GNE: variants seen among roughly 807,000 people sequenced by gnomAD.
The protein encoded by GNE is bifunctional UDP-N-acetylglucosamine 2-epimerase/N-acetylmannosamine kinase.
GNE carries 41 observed loss-of-function variants against 61.8 expected under a neutral mutation model. That is an observed-to-expected ratio of 0.66 (90% confidence interval 0.52 to 0.86). The LOEUF (loss-of-function observed/expected upper bound fraction) is 0.86, where lower values mean the gene tolerates loss of function less well. GNE is among the 40% of genes least tolerant of loss of function. The pLI is 0.00. For synonymous variants in GNE, 264 were observed against 326.4 expected, an observed-to-expected ratio of 0.81 and a Z score of 2.06; for missense variants, 608 against 909.1, an observed-to-expected ratio of 0.67 and a Z score of 4.26.
intron 1 of GNE, among the ~76,000 whole-genome samples, chr9:36,270,970 T>G (rs1426448085): frequency 6.6e-6 from 1 of 152,220 alleles, no homozygotes; most frequent in Non-Finnish European, 1.5e-5. Flanking sequence ...CCCTCGCTCC[T>G]TTCATCTATC....
At chr9:36,269,981 A>C (rs1208486597) in intron 1 of GNE, among the ~76,000 whole-genome samples, 1 of 151,560 alleles carries the variant, frequency 6.6e-6, no homozygotes, top group Non-Finnish European at 1.5e-5. Context: ...GTTTTCTTAG[A>C]GACAGGGTCT....
chr9:36,246,407 A>G lies in GNE; in HGVS notation c.240T>C (p.Asp80=), dbSNP rs780405231. 4 of 1,613,754 alleles carry G rather than the reference A, an allele frequency of 2.5e-6. No homozygotes were observed. In the East Asian group the frequency reaches 8.9e-5, roughly 36 times the overall value. ...TRLHTIVRGE[D]EAAMVESVGL... Reference sequence around the variant, plus strand: ...CTACTGACTCCACCATGGCTGCCTCATCTTCTCCCCTCACAATTGTGTGTA... The same window carrying G: ...CTACTGACTCCACCATGGCTGCCTCGTCTTCTCCCCTCACAATTGTGTGTA... The change falls in exon 3 of 12, where the codon GAT becomes GAC. Residue 80 remains aspartate (D), a synonymous_variant. Transcript: ENST00000642385.
At chr9:36,275,101 C>A (rs969326051) in intron 1 of GNE, among the ~76,000 whole-genome samples, 11 of 152,322 alleles carry the variant, frequency 7.2e-5, no homozygotes, top group African/African-American at 2.6e-4. Flanking sequence ...AAATATTCAG[C>A]TACTTATAGG....
intron 1 of GNE, among the ~76,000 whole-genome samples, chr9:36,274,550 T>C (rs1404798966): frequency 6.6e-6 from 1 of 152,108 alleles, no homozygotes; most frequent in African/African-American, 2.4e-5. Context: ...TTGAGATATT[T>C]TACATCCTGG....
rs565103843 is a variant in GNE at position 36,221,425 on chromosome 9, G to A, written c.1633+1352C>T. On this transcript the variant is annotated intron_variant, in intron 9 of 11. Coordinates refer to ENST00000642385, the MANE Select transcript of GNE (RefSeq NM_005476.7). ...ATCTGTATCAGATGCTGGCTTAACC[G>A]CTTATTAGCTAAGTCTGTTTCCTCA... Among the ~76,000 whole-genome samples the A allele has an allele frequency of 5.3e-5, 8 of 152,246 alleles. No homozygotes were observed. In the East Asian group the frequency reaches 1.4e-3, roughly 26 times the overall value.
chr9:36,255,710 G>C (rs775733702), intron 1 of GNE, among the ~76,000 whole-genome samples: 29 of 152,138 alleles, frequency 1.9e-4, no homozygotes, highest in Non-Finnish European at 3.7e-4. Flanking sequence ...GCATTGTCCA[G>C]CACAGAGCTC....
At chr9:36,228,793 C>CAAAAAAAAAAAAAAAAAAAAAAAAAAAA (rs71336431) in intron 6 of GNE, among the ~76,000 whole-genome samples, 1 of 72,580 alleles carries the variant, frequency 1.4e-5, no homozygotes. Context: ...GAGTCCATCT[C>CAAAAAAAAAAAAAAAAAAAAAAAAAAAA]AAAAAAAAAA....
In GNE at chr9:36,220,018, T is replaced by C. The variant is rs763576597; in HGVS notation, c.1636A>G (p.Ile546Val). ...NFVTLITGTG[I>V]GGGIIHQHEL... is the part of the protein sequence containing the mutation. ...TGCTGATGGATAATTCCACCACCGA[T>C]TCCTACAGCGAGGGATAGAAATCAC... Residue 546 changes from isoleucine to valine, a missense_variant and splice_region_variant, in exon 10 of 12, where the codon ATC becomes GTC. Transcript: ENST00000642385. 6.2e-7 allele frequency: 1 copy of C among 1,613,322 alleles called. No homozygotes were observed. The highest frequency in any genetic ancestry group is 8.5e-7 in the Non-Finnish European group (1 of 1,179,424).
At chr9:36,248,688 C>T (rs2133124192) in intron 2 of GNE, among the ~76,000 whole-genome samples, 1 of 152,148 alleles carries the variant, frequency 6.6e-6, no homozygotes, top group Middle Eastern at 3.4e-3. Context: ...AAATAAATGT[C>T]AATGGTGACA....
At chr9:36,243,726 T>TGGTA (rs1829746121) in intron 3 of GNE, among the ~76,000 whole-genome samples, 1 of 151,968 alleles carries the variant, frequency 6.6e-6, no homozygotes, top group Non-Finnish European at 1.5e-5. Context: ...ATGCCTGTAG[T>TGGTA]CCCAGCTACT....
In GNE at chr9:36,272,387, C is replaced by T. The variant is rs188711279; in HGVS notation, c.51+4507G>A. On this transcript the variant is annotated intron_variant, in intron 1 of 11. Transcript: ENST00000396594. The stretch of plus-strand genomic sequence containing the variant: ...CTGTAATCCCAGCACTTTGGGAGGC[C>T]GAGGCAGGTGGATCACAAGTTCAGG... Among the ~76,000 whole-genome samples, 335 of 151,934 alleles carry T rather than the reference C, an allele frequency of 2.2e-3. 1 individual carries two copies. The highest frequency in any genetic ancestry group is 6.8e-3 in the Middle Eastern group (2 of 294).
intron 9 of GNE, among the ~76,000 whole-genome samples, chr9:36,222,556 TA>T (rs1828645059): frequency 1.3e-5 from 2 of 151,574 alleles, no homozygotes; most frequent in South Asian, 2.1e-4. Flanking sequence ...CTCTGGGAAA[TA>T]AGAGCTTTGA....
At chr9:36,260,206 A>G (rs1190994490), upstream of GNE, among the ~76,000 whole-genome samples, 2 of 151,304 alleles carry the variant, frequency 1.3e-5, no homozygotes, top group African/African-American at 4.9e-5. Context: ...GCTTGTGCTC[A>G]GGAGTTCCAG....
intron 7 of GNE, among the ~76,000 whole-genome samples, chr9:36,224,179 C>G (rs747040531): frequency 6.6e-6 from 1 of 152,102 alleles, no homozygotes; most frequent in Admixed American, 6.5e-5. Flanking sequence ...TAGTGGCTCA[C>G]GCCTGTAATC....
intron 1 of GNE, among the ~76,000 whole-genome samples, chr9:36,257,293 A>C (rs924373875): frequency 6.6e-6 from 1 of 152,160 alleles, no homozygotes; most frequent in Non-Finnish European, 1.5e-5. Flanking sequence ...TCATCAGTGC[A>C]ATGAGGATGG....
chr9:36,265,717 G>C (rs561091075), intron 1 of GNE: 106 of 313,870 alleles, frequency 3.4e-4, no homozygotes, highest in African/African-American at 1.6e-3. Flanking sequence ...GGTGGGGATG[G>C]TTTCAGGATG....
intron 2 of GNE, among the ~76,000 whole-genome samples, chr9:36,248,020 C>T: frequency 9.2e-6 from 1 of 108,900 alleles, no homozygotes; most frequent in Non-Finnish European, 2.0e-5. Context: ...GAGCAAAACT[C>T]CGTCTCAAAA....
chr9:36,258,054 T>A (rs1312216393), intron 1 of GNE, among the ~76,000 whole-genome samples: 1 of 151,986 alleles, frequency 6.6e-6, no homozygotes, highest in African/African-American at 2.4e-5. Flanking sequence ...AGGGGACAAG[T>A]CAACCTGGGC....
At position 36,222,988 on chromosome 9, in the gene GNE, T is replaced by A; in HGVS notation, c.1422A>T (p.Thr474=). The part of the protein sequence containing the change: ...NCRILGVGIS[T]GGRVNPREGI... ...CTTCCCGAGGATTTACACGGCCACC[T>A]GTGGAAATGCCTGCGCTCCACCACA... The change falls in exon 9 of 12, where the codon ACA becomes ACT. Residue 474 remains threonine, a synonymous_variant. Transcript: ENST00000642385. 6.2e-7 allele frequency: 1 copy of A among 1,613,556 alleles called. No homozygotes were observed. The highest frequency in any genetic ancestry group is 8.5e-7 in the Non-Finnish European group (1 of 1,179,812).
Sources: gnomAD v4.1 joint callset for allele counts (sites outside exome capture counted in the v4.1 genomes callset) on GRCh38, gnomAD v4.1.1 for gene constraint, MANE v1.5 for transcripts, NCBI Gene and HGNC (gene_info 2026-07-23, HGNC 2026-07-21) for gene names.